PEX5L: variants seen among roughly 807,000 people sequenced by gnomAD.
PEX5L encodes the protein peroxisomal biogenesis factor 5 like.
In PEX5L, 30 loss-of-function variants were observed where a neutral mutation model predicts 84.0. The ratio of observed to expected loss-of-function variants is 0.36; its 90% CI spans 0.27 to 0.48. The LOEUF is 0.48. PEX5L is among the 20% of genes least tolerant of loss of function. PEX5L has a pLI of 0.99. For synonymous variants in PEX5L, 270 were observed against 283.1 expected, an observed-to-expected ratio of 0.95 and a Z score of 0.46; for missense variants, 533 against 754.6, an observed-to-expected ratio of 0.71 and a Z score of 3.44.
At chr3:180,010,526 A>T (rs1490851017) in intron 1 of PEX5L, among the ~76,000 whole-genome samples, 4 of 152,078 alleles carry the variant, frequency 2.6e-5, no homozygotes, top group African/African-American at 9.7e-5. Flanking sequence ...CATACCCTCT[A>T]CATAAATTAC....
At chr3:179,962,889 T>C (rs1782420116) in intron 2 of PEX5L, among the ~76,000 whole-genome samples, 1 of 152,212 alleles carries the variant, frequency 6.6e-6, no homozygotes, top group South Asian at 2.1e-4. Flanking sequence ...TGACTAAACA[T>C]TGTGCCAGCA....
At chr3:179,817,117 A>C in intron 9 of PEX5L, among the ~76,000 whole-genome samples, 1 of 152,220 alleles carries the variant, frequency 6.6e-6, no homozygotes, top group East Asian at 1.9e-4. Flanking sequence ...TGTCATAGCT[A>C]AGAATTTTTT....
At chr3:179,871,559 T>A (rs1024745210) in intron 7 of PEX5L, among the ~76,000 whole-genome samples, 3 of 152,220 alleles carry the variant, frequency 2.0e-5, no homozygotes, top group Non-Finnish European at 2.9e-5. Context: ...GCCTAAAGAT[T>A]TCTCTGTACA....
At chr3:179,838,930 G>A (rs1407797679) in intron 8 of PEX5L, among the ~76,000 whole-genome samples, 3 of 151,904 alleles carry the variant, frequency 2.0e-5, no homozygotes, top group Admixed American at 2.0e-4. Context: ...AGGAGAAAAA[G>A]TTTCCAACAC....
intron 7 of PEX5L, among the ~76,000 whole-genome samples, chr3:179,861,268 T>G (rs554639521): frequency 1.3e-5 from 2 of 152,368 alleles, no homozygotes; most frequent in South Asian, 2.1e-4. Flanking sequence ...TTTCTTTCCT[T>G]AGCCCCAGAA....
At chr3:179,978,104 T>C (rs1420043362) in intron 1 of PEX5L, among the ~76,000 whole-genome samples, 2 of 152,186 alleles carry the variant, frequency 1.3e-5, no homozygotes, top group Non-Finnish European at 1.5e-5. Context: ...GATTTTAAGG[T>C]TAAATCTAAT....
intron 1 of PEX5L, among the ~76,000 whole-genome samples, chr3:180,021,608 T>C (rs1037638359): frequency 6.6e-6 from 1 of 152,196 alleles, no homozygotes; most frequent in African/African-American, 2.4e-5. Context: ...GGTTTCTGAC[T>C]TAGGTAATTG....
rs535130037 is a variant in PEX5L at position 179,958,745 on chromosome 3, T to C, written c.93+12849A>G. 3.9e-5 allele frequency among the ~76,000 whole-genome samples: 6 copies of C among 152,312 alleles called. No homozygotes were observed. The South Asian group carries it at 1.2e-3, about 32-fold the overall frequency. ...ATTCAGATAAAGGATTTAAGATACT[T>C]AACTTGTCTTTATTCTTTTTTGTAG... On this transcript the variant is annotated intron_variant, in intron 2 of 14. Coordinates refer to ENST00000467460, the MANE Select transcript of PEX5L (RefSeq NM_016559.3).
chr3:179,965,807 A>T (rs1783189438), intron 2 of PEX5L, among the ~76,000 whole-genome samples: 4 of 152,174 alleles, frequency 2.6e-5, no homozygotes, highest in Admixed American at 6.6e-5. Flanking sequence ...TTGCCCTCCA[A>T]ATTATCAGTA....
intron 1 of PEX5L, among the ~76,000 whole-genome samples, chr3:179,974,869 A>T (rs1785560934): frequency 6.6e-6 from 1 of 152,152 alleles, no homozygotes; most frequent in Non-Finnish European, 1.5e-5. Flanking sequence ...GTTTATTTTA[A>T]TTAAATAAAC....
chr3:179,875,246 G>T (rs778430109), intron 6 of PEX5L, 108 bp downstream of exon 6: 2 of 990,360 alleles, frequency 2.0e-6, no homozygotes, highest in African/African-American at 1.6e-5. Flanking sequence ...TTATATAGGG[G>T]TTACATGTGA....
chr3:180,005,097 C>T (rs1165288746), intron 1 of PEX5L, among the ~76,000 whole-genome samples: 1 of 151,808 alleles, frequency 6.6e-6, no homozygotes, highest in Non-Finnish European at 1.5e-5. Context: ...TTTCTTATAA[C>T]ATATAGCAGG....
intron 8 of PEX5L, among the ~76,000 whole-genome samples, chr3:179,826,854 A>G (rs1730694422): frequency 6.6e-6 from 1 of 152,228 alleles, no homozygotes. Flanking sequence ...TGTGCATTGC[A>G]TTATGAAAAT....
At chr3:179,880,181 AT>A in intron 4 of PEX5L, 58 bp from the exon 5 acceptor site, 3 of 1,121,320 alleles carry the variant, frequency 2.7e-6, no homozygotes. Flanking sequence ...ATTATTTAAA[AT>A]AGGTTTCAGT....
Position 179,874,063 on chromosome 3 carries a change from G to A in PEX5L, c.726+264C>T, listed in dbSNP as rs903534821. On this transcript the variant is annotated intron_variant, in intron 7 of 14. Transcript: ENST00000467460. ...CAAAATAATAGAACAGTAAATGGTA[G>A]AACAAGGAAAAAGTGCTAAGTACAC... 1.7e-4 allele frequency among the ~76,000 whole-genome samples: 26 copies of A among 151,794 alleles called. 1 individual carries two copies. The highest frequency in any genetic ancestry group is 5.3e-4 in the African/African-American group (22 of 41,400).
In PEX5L at chr3:180,026,911, A is replaced by G. The variant is rs192613488; in HGVS notation, c.21+9668T>C. Among the ~76,000 whole-genome samples, 9 of 150,008 alleles carry G rather than the reference A, an allele frequency of 6.0e-5. No homozygotes were observed. In the East Asian group the frequency reaches 1.6e-3, roughly 26 times the overall value. ...TTTCTACATTTGGGAAATTGCCCAC[A>G]CTCTCAGTCTTGGTGAGAAGCCAAT... On this transcript the variant is annotated intron_variant, in intron 1 of 14. Transcript: ENST00000467460.
At chr3:179,922,171 C>A (rs1050907204) in intron 2 of PEX5L, among the ~76,000 whole-genome samples, 1 of 152,142 alleles carries the variant, frequency 6.6e-6, no homozygotes, top group Non-Finnish European at 1.5e-5. Context: ...AGCCAGTCAA[C>A]AAATATTGCC....
At chr3:179,992,366 T>A (rs1393472790) in intron 1 of PEX5L, among the ~76,000 whole-genome samples, 1 of 152,202 alleles carries the variant, frequency 6.6e-6, no homozygotes, top group Non-Finnish European at 1.5e-5. Context: ...TTACTTAACG[T>A]CACACAACTT....
chr3:179,885,348 T>C (rs1398164427), intron 4 of PEX5L, among the ~76,000 whole-genome samples: 6 of 152,094 alleles, frequency 3.9e-5, no homozygotes, highest in Non-Finnish European at 5.9e-5. Flanking sequence ...GGTGTCCTTA[T>C]AAAAAGGGGA....
Sources: gnomAD v4.1 joint callset for allele counts (sites outside exome capture counted in the v4.1 genomes callset) on GRCh38, gnomAD v4.1.1 for gene constraint, MANE v1.5 for transcripts, NCBI Gene and HGNC (gene_info 2026-07-23, HGNC 2026-07-21) for gene names.